PRKG1: variants seen among roughly 807,000 people sequenced by gnomAD.
PRKG1 encodes the protein protein kinase cGMP-dependent 1, also known as cGMP-dependent protein kinase 1.
A neutral mutation model predicts 88.1 loss-of-function variants in PRKG1; 35 were observed. The observed-to-expected ratio is 0.40, with a 90% CI of 0.30 to 0.53. The LOEUF is 0.53. PRKG1 is among the 20% of genes least tolerant of loss of function. The probability of loss-of-function intolerance (pLI) is 0.59; values close to 1 mark genes in which losing one functional copy is unlikely to be tolerated. For synonymous variants in PRKG1, 303 were observed against 292.5 expected (o/e 1.04, Z -0.37); for missense variants, 540 against 839.8 (o/e 0.64, Z 4.41).
At chr10:51,729,340 C>G (rs1202807155) in intron 3 of PRKG1, among the ~76,000 whole-genome samples, 1 of 152,102 alleles carries the variant, frequency 6.6e-6, no homozygotes, top group Non-Finnish European at 1.5e-5. Context: ...TTTATTATCT[C>G]TAGTGGAAAG....
At chr10:51,508,599 T>C (rs1300707727) in intron 3 of PRKG1, among the ~76,000 whole-genome samples, 1 of 152,182 alleles carries the variant, frequency 6.6e-6, no homozygotes, top group Non-Finnish European at 1.5e-5. Context: ...AATAATCTAA[T>C]CACTCTTGTG....
intron 3 of PRKG1, among the ~76,000 whole-genome samples, chr10:51,506,819 A>G (rs141833131): frequency 0.018 from 2,717 of 152,304 alleles, 62 homozygotes; most frequent in African/African-American, 0.046. Flanking sequence ...CCAAAGGATT[A>G]TAAATCATGC....
At chr10:51,794,160 G>A (rs1220032345) in intron 3 of PRKG1, among the ~76,000 whole-genome samples, 1 of 152,068 alleles carries the variant, frequency 6.6e-6, no homozygotes, top group Non-Finnish European at 1.5e-5. Flanking sequence ...TATAACAATT[G>A]TAAATATATA....
chr10:51,443,807 A>AACATACTGATGTATGGC (rs1218944221), intron 2 of PRKG1, among the ~76,000 whole-genome samples: 2 of 152,020 alleles, frequency 1.3e-5, no homozygotes, highest in African/African-American at 2.4e-5. Context: ...GGCCTGGGTA[A>AACATACTGATGTATGGC]CAGACATCAG....
rs140238138 is a variant in PRKG1, at chr10:52,271,361, A to G, written c.1185A>G (p.Lys395=). The G allele has an allele frequency of 1.2e-6, 2 of 1,612,468 alleles. No homozygotes were observed. The highest frequency in any genetic ancestry group is 1.3e-5 in the African/African-American group (1 of 74,966). The change falls in exon 11 of 18, where the codon AAA becomes AAG. Residue 395 remains lysine, a synonymous_variant. Coordinates refer to ENST00000373980, the MANE Select transcript of PRKG1 (RefSeq NM_006258.4). ...GFGRVELVQL[K]SEESKTFAMK... ...TCTCTTTCTTTAAGGTCCAGTTGAA[A>G]AGTGAAGAATCCAAAACGTTTGCAA...
At chr10:51,765,143 A>T (rs946032248) in intron 3 of PRKG1, among the ~76,000 whole-genome samples, 1 of 152,186 alleles carries the variant, frequency 6.6e-6, no homozygotes, top group East Asian at 1.9e-4. Context: ...AATTCCTTTT[A>T]GGTATCCTTG....
intron 2 of PRKG1, among the ~76,000 whole-genome samples, chr10:51,311,091 C>T (rs1841174388): frequency 6.6e-6 from 1 of 152,144 alleles, no homozygotes; most frequent in Non-Finnish European, 1.5e-5. Flanking sequence ...GTGTACAGCA[C>T]TTTTCACACA....
At chr10:51,415,929 G>T (rs962009206) in intron 2 of PRKG1, among the ~76,000 whole-genome samples, 2 of 152,090 alleles carry the variant, frequency 1.3e-5, no homozygotes, top group East Asian at 3.9e-4. Context: ...GTGTGTGTGT[G>T]TGTGTGTGTG....
intron 2 of PRKG1, among the ~76,000 whole-genome samples, chr10:51,292,899 C>T (rs1840621378): frequency 6.6e-6 from 1 of 151,942 alleles, no homozygotes; most frequent in Admixed American, 6.6e-5. Context: ...ATGATTGGAG[C>T]CACTTTTTTA....
At chr10:51,933,419 G>C (rs183669212) in intron 5 of PRKG1, among the ~76,000 whole-genome samples, 7 of 151,928 alleles carry the variant, frequency 4.6e-5, no homozygotes, top group Non-Finnish European at 1.0e-4. Context: ...CATAGGATGC[G>C]CCAACAATCA....
chr10:51,442,518 A>G (rs190629655), intron 2 of PRKG1, among the ~76,000 whole-genome samples: 119 of 152,120 alleles, frequency 7.8e-4, no homozygotes, highest in African/African-American at 2.8e-3. Flanking sequence ...AATGTGACTG[A>G]ATTTATCAAT....
At chr10:52,081,262 T>G (rs1846767418) in intron 7 of PRKG1, among the ~76,000 whole-genome samples, 1 of 152,192 alleles carries the variant, frequency 6.6e-6, no homozygotes, top group Non-Finnish European at 1.5e-5. Flanking sequence ...GGATTTGAAT[T>G]TCTGATTTCT....
intron 3 of PRKG1, among the ~76,000 whole-genome samples, chr10:51,531,997 G>A (rs1330129647): frequency 6.6e-6 from 1 of 152,068 alleles, no homozygotes; most frequent in African/African-American, 2.4e-5. Flanking sequence ...GCTAGTCCCA[G>A]TCTGCTAGAA....
At chr10:51,534,582 G>T (rs1842096352) in intron 3 of PRKG1, among the ~76,000 whole-genome samples, 2 of 150,866 alleles carry the variant, frequency 1.3e-5, no homozygotes, top group African/African-American at 4.9e-5. Context: ...CAGGAGAATG[G>T]CGTGAACCCA....
intron 2 of PRKG1, among the ~76,000 whole-genome samples, chr10:51,154,222 T>TA (rs530926976): frequency 6.6e-5 from 10 of 152,052 alleles, no homozygotes; most frequent in African/African-American, 1.9e-4. Context: ...AACCAATTTG[T>TA]AAAAAAAGAA....
intron 2 of PRKG1, among the ~76,000 whole-genome samples, chr10:51,176,252 C>T (rs1837188136): frequency 6.6e-6 from 1 of 152,042 alleles, no homozygotes; most frequent in Non-Finnish European, 1.5e-5. Context: ...AATAGAGGTT[C>T]AGAGAGTGTA....
intron 2 of PRKG1, among the ~76,000 whole-genome samples, chr10:51,424,987 A>G (rs1387261644): frequency 2.0e-5 from 3 of 152,124 alleles, no homozygotes; most frequent in African/African-American, 7.2e-5. Flanking sequence ...TCTTCTGAAC[A>G]GAATACAGCC....
intron 2 of PRKG1, among the ~76,000 whole-genome samples, chr10:51,297,407 C>T (rs1840748584): frequency 6.6e-6 from 1 of 152,070 alleles, no homozygotes. Context: ...CATCTGTTAC[C>T]AGCTCTTTGC....
At chr10:51,224,787 A>G (rs532253600) in intron 2 of PRKG1, among the ~76,000 whole-genome samples, 1 of 152,262 alleles carries the variant, frequency 6.6e-6, no homozygotes, top group Non-Finnish European at 1.5e-5. Flanking sequence ...TTTCATCATC[A>G]TGTTTATTCT....
Sources: gnomAD v4.1 joint callset for allele counts (sites outside exome capture counted in the v4.1 genomes callset) on GRCh38, gnomAD v4.1.1 for gene constraint, MANE v1.5 for transcripts, NCBI Gene and HGNC (gene_info 2026-07-23, HGNC 2026-07-21) for gene names.